Variants in SRD5A2 observed in about 807,000 individuals in gnomAD.
SRD5A2 encodes steroid 5 alpha-reductase 2.
In SRD5A2, 30 loss-of-function variants were observed where a neutral mutation model predicts 27.4. The ratio of observed to expected loss-of-function variants is 1.10; its 90% CI spans 0.82 to 1.49. The LOEUF (loss-of-function observed/expected upper bound fraction) is 1.49. SRD5A2 is among the 40% of genes most tolerant of loss of function. SRD5A2 has a pLI of 0.00. For synonymous variants in SRD5A2, 141 were observed against 133.6 expected, an observed-to-expected ratio of 1.06 and a Z score of -0.38; for missense variants, 348 against 323.4, an observed-to-expected ratio of 1.08 and a Z score of -0.58.
chr2:31,643,325 AT>A, the SRD5A2 span, among the ~76,000 whole-genome samples: 2 of 152,160 alleles, frequency 1.3e-5, no homozygotes, highest in Non-Finnish European at 1.5e-5. Context: ...CAGTTTTCTC[AT>A]TGTTAAAGAA....
At chr2:31,610,014 T>C in the SRD5A2 span, among the ~76,000 whole-genome samples, 1 of 152,156 alleles carries the variant, frequency 6.6e-6, no homozygotes, top group African/African-American at 2.4e-5. Flanking sequence ...ATAAAGAGAC[T>C]GAATCAATAA....
At chr2:31,558,682 C>T (rs2268797) in intron 1 of SRD5A2, among the ~76,000 whole-genome samples, 77,629 of 151,978 alleles carry the variant, frequency 0.51, 20,411 homozygotes, top group Non-Finnish European at 0.58. Flanking sequence ...AATGACATTT[C>T]GGTCAATGGC....
intron 1 of SRD5A2, among the ~76,000 whole-genome samples, chr2:31,537,837 G>A (rs1247156439): frequency 6.6e-6 from 1 of 152,140 alleles, no homozygotes; most frequent in Admixed American, 6.6e-5. Flanking sequence ...GATTAATGCT[G>A]CTATAAATAG....
chr2:31,572,835 C>T (rs570751088), intron 1 of SRD5A2, among the ~76,000 whole-genome samples: 1 of 152,200 alleles, frequency 6.6e-6, no homozygotes, highest in East Asian at 1.9e-4. Context: ...AACCAAATTA[C>T]CCTGTTTTCT....
At chr2:31,646,762 C>T in the SRD5A2 span, among the ~76,000 whole-genome samples, 5 of 152,216 alleles carry the variant, frequency 3.3e-5, no homozygotes, top group Admixed American at 3.3e-4. Flanking sequence ...CTTCTGGCTT[C>T]TGTTAATACT....
chr2:31,605,803 A>T, the SRD5A2 span, among the ~76,000 whole-genome samples: 1 of 151,872 alleles, frequency 6.6e-6, no homozygotes. Context: ...CTGGGTACAT[A>T]CCCAAAAGAA....
At chr2:31,631,703 C>A in the SRD5A2 span, among the ~76,000 whole-genome samples, 4 of 152,178 alleles carry the variant, frequency 2.6e-5, no homozygotes, top group Non-Finnish European at 4.4e-5. Flanking sequence ...CAGACACTAA[C>A]CCCAAATGAA....
chr2:31,542,377 T>TGGCATGGAG (rs1666146153), intron 1 of SRD5A2, among the ~76,000 whole-genome samples: 1 of 152,176 alleles, frequency 6.6e-6, no homozygotes, highest in South Asian at 2.1e-4. Context: ...CAGGCATGGA[T>TGGCATGGAG]GGCACACACC....
At chr2:31,647,394 T>A in the SRD5A2 span, among the ~76,000 whole-genome samples, 4 of 152,170 alleles carry the variant, frequency 2.6e-5, no homozygotes, top group African/African-American at 7.2e-5. Flanking sequence ...AATCTGAGAA[T>A]CCATCTTTCC....
the SRD5A2 span, among the ~76,000 whole-genome samples, chr2:31,595,919 T>C: frequency 1.3e-5 from 2 of 152,286 alleles, no homozygotes; most frequent in Non-Finnish European, 2.9e-5. Context: ...TCAATAAATG[T>C]GATGCACCAC....
At chr2:31,540,041 A>G (rs1389558926) in intron 1 of SRD5A2, among the ~76,000 whole-genome samples, 1 of 152,224 alleles carries the variant, frequency 6.6e-6, no homozygotes, top group Admixed American at 6.5e-5. Flanking sequence ...TATATTATAA[A>G]TGAGGAAGAA....
At chr2:31,560,203 T>C (rs1264398445) in intron 1 of SRD5A2, among the ~76,000 whole-genome samples, 6 of 152,270 alleles carry the variant, frequency 3.9e-5, no homozygotes, top group African/African-American at 7.2e-5. Flanking sequence ...TATCCTCTAA[T>C]GGGACATTCC....
At chr2:31,587,913 T>C in the SRD5A2 span, among the ~76,000 whole-genome samples, 3 of 152,144 alleles carry the variant, frequency 2.0e-5, no homozygotes, top group African/African-American at 7.2e-5. Context: ...TAAAGTAGAA[T>C]TTTTAAAAAT....
chr2:31,586,140 C>G, the SRD5A2 span, among the ~76,000 whole-genome samples: 1 of 152,098 alleles, frequency 6.6e-6, no homozygotes, highest in Non-Finnish European at 1.5e-5. Flanking sequence ...TTTTGGTGCC[C>G]ATCACCCAAG....
chr2:31,560,151 T>C (rs1666591565), intron 1 of SRD5A2, among the ~76,000 whole-genome samples: 1 of 146,414 alleles, frequency 6.8e-6, no homozygotes, highest in African/African-American at 2.5e-5. Flanking sequence ...TTCTAAGACA[T>C]GTGATTAATA....
At chr2:31,593,018 C>T in the SRD5A2 span, among the ~76,000 whole-genome samples, 13 of 152,028 alleles carry the variant, frequency 8.6e-5, no homozygotes, top group African/African-American at 3.1e-4. Context: ...GGACAAAAAA[C>T]CAAACACTGC....
chr2:31,627,146 A>G, the SRD5A2 span, among the ~76,000 whole-genome samples: 1 of 152,140 alleles, frequency 6.6e-6, no homozygotes, highest in African/African-American at 2.4e-5. Flanking sequence ...TTATTTGCAT[A>G]TAAGTATTTA....
chr2:31,587,437 A>G, the SRD5A2 span, among the ~76,000 whole-genome samples: 5 of 152,250 alleles, frequency 3.3e-5, no homozygotes, highest in African/African-American at 7.2e-5. Flanking sequence ...TCATTCTACT[A>G]TAAAGACACA....
At chr2:31,602,693 C>A in the SRD5A2 span, among the ~76,000 whole-genome samples, 46 of 152,084 alleles carry the variant, frequency 3.0e-4, no homozygotes, top group African/African-American at 1.1e-3. Flanking sequence ...CAACACAGTA[C>A]TGGTGGAAGA....
Sources: allele counts gnomAD v4.1 joint callset (sites outside exome capture counted in the v4.1 genomes callset), GRCh38; gene constraint gnomAD v4.1.1; transcripts MANE v1.5; gene names NCBI Gene and HGNC (gene_info 2026-07-23, HGNC 2026-07-21).